DSC2: variants seen among roughly 807,000 people sequenced by gnomAD.
DSC2 encodes the protein desmocollin 2.
In DSC2, 51 loss-of-function variants were observed where a neutral mutation model predicts 87.6. The ratio of observed to expected loss-of-function variants is 0.58; its 90% CI spans 0.46 to 0.74. The LOEUF (loss-of-function observed/expected upper bound fraction) is 0.74, where lower values mean the gene tolerates loss of function less well. Ranked by LOEUF, DSC2 falls within the 30% of genes least tolerant of loss-of-function variation. The probability of loss-of-function intolerance (pLI) is 0.00; values close to 1 mark genes in which losing one functional copy is unlikely to be tolerated. For missense variants in DSC2, 1,066 were observed against 1,089.5 expected (o/e 0.98, Z 0.30); for synonymous variants, 383 against 393.2 (o/e 0.97, Z 0.31).
Position 31,065,693 on chromosome 18 carries a change from T to C in DSC2, c.*2322A>G, listed in dbSNP as rs1449738901. 1 of 152,182 alleles carries C rather than the reference T, an allele frequency of 6.6e-6. No homozygotes were observed. Among genetic ancestry groups the C allele is most frequent in the Non-Finnish European group, 1.5e-5 (1 of 68,038 alleles). The allele number at this position is 152,182 out of a possible 1,614,324, so 9.4% of individuals were successfully genotyped here. A position where few individuals can be genotyped will look rare whatever the true frequency, so the allele number is the denominator to read the frequency against. The stretch of plus-strand genomic sequence containing the variant: ...TGACAGGGAGAATCTAAAATACACA[T>C]AATTTTCATAGGGTGTTAGAATTAG... On this transcript the variant is annotated 3_prime_UTR_variant, in exon 16 of 16. Coordinates refer to ENST00000280904, the MANE Select transcript of DSC2 (RefSeq NM_024422.6).
At position 31,070,819 on chromosome 18, in the gene DSC2, A is replaced by G. The variant is rs985629599; in HGVS notation, c.2157T>C (p.Ser719=). The change falls in exon 14 of 16, where the codon TCT becomes TCC. Residue 719 remains serine (S), a synonymous_variant. Transcript: ENST00000280904. ...CILFTLVCGA[S]GTSKQPKVIP... is the part of the protein sequence containing the mutation. ...TTACTTTTGGTTGTTTAGACGTCCC[A>G]GAAGCCCCACAGACCAGCGTAAACA... 9 of 1,613,848 alleles carry G rather than the reference A, an allele frequency of 5.6e-6. No homozygotes were observed. Among genetic ancestry groups the G allele is most frequent in the African/African-American group, 5.3e-5 (4 of 74,932 alleles).
intron 11 of DSC2, among the ~76,000 whole-genome samples, chr18:31,075,899 C>T (rs1203316147): frequency 6.6e-6 from 1 of 151,904 alleles, no homozygotes; most frequent in Non-Finnish European, 1.5e-5. Flanking sequence ...AAGAAACTTA[C>T]AGGATGACGA....
At chr18:31,077,326 A>C (rs1987057120) in intron 11 of DSC2, among the ~76,000 whole-genome samples, 1 of 152,176 alleles carries the variant, frequency 6.6e-6, no homozygotes, top group Non-Finnish European at 1.5e-5. Flanking sequence ...GCTCTCTCTG[A>C]AAATTGGGAC....
At chr18:31,098,152 CTT>C (rs1383773240) in intron 1 of DSC2, among the ~76,000 whole-genome samples, 1 of 152,066 alleles carries the variant, frequency 6.6e-6, no homozygotes, top group Non-Finnish European at 1.5e-5. Context: ...TATATGTACT[CTT>C]ATATAATTGT....
At position 31,102,048 on chromosome 18, in the gene DSC2, G is replaced by C. The variant is rs1987983450; in HGVS notation, c.-77C>G. On this transcript the variant is annotated 5_prime_UTR_variant, in exon 1 of 16. Transcript: ENST00000280904. Reference sequence around the variant, plus strand: ...GCTCCGCGGGGCGAGGGCCGCGGCCGGAGCGCAGTCTGGGCCCGCTGCTCA... The same window carrying C: ...GCTCCGCGGGGCGAGGGCCGCGGCCCGAGCGCAGTCTGGGCCCGCTGCTCA... The C allele has an allele frequency of 1.6e-6, 2 of 1,272,668 alleles. No individual in the cohort carries two copies. The highest frequency in any genetic ancestry group is 1.0e-6 in the Non-Finnish European group (1 of 978,694). 78.8% of individuals were successfully genotyped at this position (1,272,668 alleles called of 1,614,324 possible).
intron 1 of DSC2, among the ~76,000 whole-genome samples, chr18:31,095,793 C>G (rs1987743383): frequency 1.3e-5 from 2 of 151,948 alleles, no homozygotes; most frequent in Non-Finnish European, 1.5e-5. Context: ...GTACAGGGAG[C>G]TATGGGAGAG....
In DSC2 at chr18:31,074,901, C is replaced by G; in HGVS notation, c.1670G>C (p.Arg557Thr). 2 of 1,613,300 alleles carry G rather than the reference C, an allele frequency of 1.2e-6. No individual in the cohort carries two copies. The highest frequency in any genetic ancestry group is 1.1e-5 in the South Asian group (1 of 90,996). ...ITVLASDQGG[R>T]TCTGTLGIIL... ...AATGCCCAGTGTCCCCGTACATGTT[C>G]TCCCTCCTAGAAAAATGAAAATAAA... Residue 557 changes from arginine to threonine, a missense_variant, in exon 12 of 16, where the codon AGA becomes ACA. By Grantham distance (71) the Arg-to-Thr change is moderately conservative (BLOSUM62 -1). Transcript: ENST00000280904.
At position 31,065,141 on chromosome 18, in the gene DSC2, A is replaced by C. The variant is rs1986583158; in HGVS notation, c.*2874T>G. 6.6e-6 allele frequency: 1 copy of C among 152,190 alleles called. No homozygotes were observed. The highest frequency in any genetic ancestry group is 1.5e-5 in the Non-Finnish European group (1 of 68,040). 9.4% of individuals were successfully genotyped at this position (152,190 alleles called of 1,614,324 possible). A position where few individuals can be genotyped will look rare whatever the true frequency, so the allele number is the denominator to read the frequency against. On this transcript the variant is annotated 3_prime_UTR_variant, in exon 16 of 16. Coordinates refer to ENST00000280904, the MANE Select transcript of DSC2 (RefSeq NM_024422.6). ...ACTGACTTCTGGCTAGGGATGAATA[A>C]GATGTAACTTGCTGAATACCACAAA...
chr18:31,069,050 G>A lies in DSC2; in HGVS notation c.2352C>T (p.Ile784=), dbSNP rs562571453. The part of the protein sequence containing the change: ...SGIKNGGQET[I]EMVKGGHQTS... ...TCTGGTGTCCTCCTTTCACCATTTC[G>A]ATGGTCTCCTGACCTCCGTTTTTGA... Residue 784 remains isoleucine (I), a synonymous_variant, in exon 15 of 16, where the codon ATC becomes ATT. Transcript: ENST00000280904. 8 of 1,614,064 alleles carry A rather than the reference G, an allele frequency of 5.0e-6. No homozygotes were observed. Among genetic ancestry groups the A allele is most frequent in the Admixed American group, 3.3e-5 (2 of 60,006 alleles).
chr18:31,101,696 C>A, intron 1 of DSC2: 1 of 582,912 alleles, frequency 1.7e-6, no homozygotes, highest in Non-Finnish European at 3.0e-6. Context: ...GAGACACCTT[C>A]CCTTCCCTTG....
In DSC2 at chr18:31,102,043, C is replaced by A. The variant is rs565647711; in HGVS notation, c.-72G>T. Reference sequence around the variant, plus strand: ...GGAGGGCTCCGCGGGGCGAGGGCCGCGGCCGGAGCGCAGTCTGGGCCCGCT... The same window carrying A: ...GGAGGGCTCCGCGGGGCGAGGGCCGAGGCCGGAGCGCAGTCTGGGCCCGCT... On this transcript the variant is annotated 5_prime_UTR_variant, in exon 1 of 16. Transcript: ENST00000280904. 37 of 1,294,962 alleles carry A rather than the reference C, an allele frequency of 2.9e-5. No individual in the cohort carries two copies. The Admixed American group carries it at 1.3e-3, about 46-fold the overall frequency. 80.2% of individuals were successfully genotyped at this position (1,294,962 alleles called of 1,614,324 possible). A position where few individuals can be genotyped will look rare whatever the true frequency, so the allele number is the denominator to read the frequency against.
chr18:31,100,613 T>C (rs773506225), intron 1 of DSC2, among the ~76,000 whole-genome samples: 34 of 152,198 alleles, frequency 2.2e-4, no homozygotes, highest in Non-Finnish European at 4.4e-4. Flanking sequence ...AAAGACATTC[T>C]AATAACAGTA....
At chr18:31,071,149 T>A (rs1178566440) in intron 13 of DSC2, among the ~76,000 whole-genome samples, 2 of 151,886 alleles carry the variant, frequency 1.3e-5, no homozygotes, top group Non-Finnish European at 2.9e-5. Context: ...GAACTATACA[T>A]AAATGCACTT....
rs1987988415 is a variant in DSC2 at position 31,102,124 on chromosome 18, A to AAGC, written c.-154_-153insGCT. 1.7e-6 allele frequency: 1 copy of AAGC among 596,730 alleles called. No homozygotes were observed. The highest frequency in any genetic ancestry group is 2.0e-5 in the African/African-American group (1 of 50,482). The allele number at this position is 596,730 out of a possible 1,614,324, so 37.0% of individuals were successfully genotyped here. A position where few individuals can be genotyped will look rare whatever the true frequency, so the allele number is the denominator to read the frequency against. On this transcript the variant is annotated 5_prime_UTR_variant, in exon 1 of 16. Transcript: ENST00000280904. ...GGGCGCGCGGAGAGGTGCTTTTCTT[A>AAGC]GCTTCTCTGAAGCGCCTGCCTCTCA...
intron 1 of DSC2, among the ~76,000 whole-genome samples, chr18:31,093,957 G>A (rs985131219): frequency 6.6e-6 from 1 of 151,858 alleles, no homozygotes; most frequent in African/African-American, 2.4e-5. Context: ...ATATCAAGGA[G>A]AAGAATAAAA....
chr18:31,102,034 C>T lies in DSC2; in HGVS notation c.-63G>A. Reference sequence around the variant, plus strand: ...GCCGGGGTAGGAGGGCTCCGCGGGGCGAGGGCCGCGGCCGGAGCGCAGTCT... The same window carrying T: ...GCCGGGGTAGGAGGGCTCCGCGGGGTGAGGGCCGCGGCCGGAGCGCAGTCT... On this transcript the variant is annotated 5_prime_UTR_variant, in exon 1 of 16. Transcript: ENST00000280904. 1 of 1,336,256 alleles carries T rather than the reference C, an allele frequency of 7.5e-7. No individual in the cohort carries two copies. The highest frequency in any genetic ancestry group is 9.7e-7 in the Non-Finnish European group (1 of 1,034,838). The allele number at this position is 1,336,256 out of a possible 1,614,324, so 82.8% of individuals were successfully genotyped here.
intron 14 of DSC2, 62 bp downstream of exon 14, chr18:31,070,664 A>G (rs1986791639): frequency 6.2e-7 from 1 of 1,606,930 alleles, no homozygotes; most frequent in East Asian, 2.2e-5. Context: ...ATCATTTTAG[A>G]AGGAATACGC....
At position 31,079,935 on chromosome 18, in the gene DSC2, T is replaced by A; in HGVS notation, c.1575A>T (p.Gly525=). ...TGWVTIDENT[G]SIKVFRSLDR... ...CCAGGCTTCTGAAAACTTTGATTGA[T>A]CCTGTATTTTCATCAATGGTGACCC... The change falls in exon 11 of 16, where the codon GGA becomes GGT. Residue 525 remains glycine, a synonymous_variant. Coordinates refer to ENST00000280904, the MANE Select transcript of DSC2 (RefSeq NM_024422.6). The A allele has an allele frequency of 1.2e-6, 2 of 1,614,024 alleles. No individual in the cohort carries two copies. Among genetic ancestry groups the A allele is most frequent in the African/African-American group, 2.7e-5 (2 of 75,054 alleles).
chr18:31,075,036 A>T, intron 11 of DSC2, 129 bp from the exon 12 acceptor site: 2 of 955,088 alleles, frequency 2.1e-6, no homozygotes, highest in Non-Finnish European at 3.2e-6. Context: ...AGCAGTCACA[A>T]GCTATGTCCT....
Sources: allele counts gnomAD v4.1 joint callset (sites outside exome capture counted in the v4.1 genomes callset), GRCh38; gene constraint gnomAD v4.1.1; transcripts MANE v1.5; gene names NCBI Gene and HGNC (gene_info 2026-07-23, HGNC 2026-07-21).